Variants in DPH6 observed in about 807,000 individuals in gnomAD.
DPH6 encodes the protein diphthine--ammonia ligase.
In DPH6, 33 loss-of-function variants were observed where a neutral mutation model predicts 38.2. That is an observed-to-expected ratio of 0.86 (90% CI 0.65 to 1.15). The LOEUF (loss-of-function observed/expected upper bound fraction) is 1.15, where lower values mean the gene tolerates loss of function less well. Among genes scored for constraint, DPH6 ranks in the 50% most tolerant of loss-of-function variants. DPH6 has a pLI of 0.00. For synonymous variants in DPH6, 108 were observed against 103.0 expected, an observed-to-expected ratio of 1.05 and a Z score of -0.30; for missense variants, 325 against 320.0, an observed-to-expected ratio of 1.02 and a Z score of -0.12.
Position 35,401,836 on chromosome 15 carries a change from A to G in DPH6, c.567+8999T>C, listed in dbSNP as rs1375890663. ...GAAGTTGACAGCGAAACTACAGGTTATAACAGATTTGTGAACTCAGTCAAG... is the reference window on the plus strand; with the variant it reads ...GAAGTTGACAGCGAAACTACAGGTTGTAACAGATTTGTGAACTCAGTCAAG... On this transcript the variant is annotated intron_variant, in intron 6 of 8. Transcript: ENST00000256538. 18 of 536,426 alleles carry G rather than the reference A, an allele frequency of 3.4e-5. No individual in the cohort carries two copies. The East Asian group carries it at 6.7e-4, about 20-fold the overall frequency. The allele number at this position is 536,426 out of a possible 1,614,324, so 33.2% of individuals were successfully genotyped here.
At chr15:35,298,563 T>A in intron 3 of DPH6, 1 of 787,280 alleles carries the variant, frequency 1.3e-6, no homozygotes, top group East Asian at 2.4e-5. Context: ...AGTATTTCAG[T>A]CAGTGGATTT....
downstream of DPH6, among the ~76,000 whole-genome samples, chr15:35,366,228 TTGTGTGTGTGTG>T (rs10525441): frequency 9.7e-5 from 14 of 144,378 alleles, no homozygotes; most frequent in South Asian, 6.7e-4. Flanking sequence ...TTTAGTCATC[TTGTGTGTGTGTG>T]TGTGTGTGTG....
At chr15:35,515,627 G>A (rs1444191961) in intron 3 of DPH6, among the ~76,000 whole-genome samples, 6 of 151,224 alleles carry the variant, frequency 4.0e-5, no homozygotes, top group South Asian at 4.2e-4. Context: ...AGGCTGAGGC[G>A]GGAGAATGGC....
intron 8 of DPH6, 35 bp from the exon 9 acceptor site, chr15:35,372,238 G>C: frequency 8.4e-6 from 12 of 1,421,238 alleles, no homozygotes; most frequent in Non-Finnish European, 1.0e-5. Context: ...GAAGGAAAAT[G>C]CACCATATTT....
intron 3 of DPH6, among the ~76,000 whole-genome samples, chr15:35,227,898 G>A (rs1387753149): frequency 1.3e-5 from 2 of 151,820 alleles, no homozygotes; most frequent in African/African-American, 4.8e-5. Flanking sequence ...TCATTTGTGA[G>A]CATATTGTTT....
chr15:35,294,694 G>A (rs1283042277), intron 3 of DPH6, among the ~76,000 whole-genome samples: 2 of 152,134 alleles, frequency 1.3e-5, no homozygotes, highest in East Asian at 1.9e-4. Context: ...CTTTTACACA[G>A]AGCCTAGTCT....
At chr15:35,300,211 G>GT (rs1249341905) in intron 3 of DPH6, among the ~76,000 whole-genome samples, 1 of 152,206 alleles carries the variant, frequency 6.6e-6, no homozygotes, top group Non-Finnish European at 1.5e-5. Flanking sequence ...AGGAGATGGG[G>GT]CAGACAAGGG....
chr15:35,296,085 G>A (rs941877791), intron 3 of DPH6, among the ~76,000 whole-genome samples: 21 of 151,710 alleles, frequency 1.4e-4, no homozygotes, highest in Non-Finnish European at 2.4e-4. Context: ...GACTATAGGC[G>A]CCCGCTACCA....
intron 5 of DPH6, among the ~76,000 whole-genome samples, chr15:35,416,465 T>C (rs984079386): frequency 6.6e-6 from 1 of 152,072 alleles, no homozygotes; most frequent in South Asian, 2.1e-4. Context: ...AAACAGACTA[T>C]AATTCTTTTC....
intron 3 of DPH6, among the ~76,000 whole-genome samples, chr15:35,516,460 A>G (rs1316674372): frequency 2.0e-5 from 3 of 152,306 alleles, no homozygotes; most frequent in Middle Eastern, 3.4e-3. Flanking sequence ...TACTAGTCTT[A>G]CTTTACAAAT....
the DPH6 span, among the ~76,000 whole-genome samples, chr15:35,173,234 G>C: frequency 6.6e-6 from 1 of 152,238 alleles, no homozygotes; most frequent in African/African-American, 2.4e-5. Context: ...TTTTCACCTT[G>C]GGAAATGTCA....
At chr15:35,365,719 G>T in intron 3 of DPH6, 1 of 906,180 alleles carries the variant, frequency 1.1e-6, no homozygotes, top group Non-Finnish European at 1.3e-6. Context: ...ATATCATCAC[G>T]GTATGGCGTT....
At chr15:35,277,728 C>T (rs562056931) in intron 3 of DPH6, among the ~76,000 whole-genome samples, 9 of 152,226 alleles carry the variant, frequency 5.9e-5, no homozygotes, top group South Asian at 2.1e-4. Context: ...TTACTGGGAA[C>T]GCGAGTAAAG....
At position 35,323,832 on chromosome 15, in the gene DPH6, G is replaced by A. The variant is rs999267948; in HGVS notation, n.200+49689C>T. Among the ~76,000 whole-genome samples, 5 of 151,838 alleles carry A rather than the reference G, an allele frequency of 3.3e-5. No individual in the cohort carries two copies. The South Asian group carries it at 6.2e-4, about 19-fold the overall frequency. On this transcript the variant is annotated intron_variant and non_coding_transcript_variant, in intron 3 of 3. Transcript: ENST00000560386. ...GAACCATTGCTATCAGAATTCTGCCGGAAATAATTTTATAACATATGACAA... is the reference window on the plus strand; with the variant it reads ...GAACCATTGCTATCAGAATTCTGCCAGAAATAATTTTATAACATATGACAA...
chr15:35,434,358 T>A (rs2053669284), intron 5 of DPH6, among the ~76,000 whole-genome samples: 1 of 151,960 alleles, frequency 6.6e-6, no homozygotes, highest in African/African-American at 2.4e-5. Context: ...ATTAATAGAA[T>A]GCATTACTGC....
intron 3 of DPH6, among the ~76,000 whole-genome samples, chr15:35,361,099 G>A (rs192308985): frequency 5.9e-5 from 9 of 152,218 alleles, no homozygotes; most frequent in South Asian, 4.1e-4. Flanking sequence ...GAGACCAAGC[G>A]TGTCCGGAAC....
intron 6 of DPH6, among the ~76,000 whole-genome samples, chr15:35,391,521 C>G (rs1271342819): frequency 6.6e-6 from 1 of 152,188 alleles, no homozygotes; most frequent in Non-Finnish European, 1.5e-5. Context: ...CTTTGTTTAC[C>G]TACTCAAGCC....
At chr15:35,465,869 TTTGTCAG>T in intron 3 of DPH6, among the ~76,000 whole-genome samples, 1 of 152,320 alleles carries the variant, frequency 6.6e-6, no homozygotes, top group East Asian at 1.9e-4. Flanking sequence ...AGCATAATAA[TTTGTCAG>T]TTATATCCAT....
chr15:35,322,224 A>G (rs1363877826), intron 3 of DPH6, among the ~76,000 whole-genome samples: 1 of 152,168 alleles, frequency 6.6e-6, no homozygotes, highest in African/African-American at 2.4e-5. Flanking sequence ...TGATATCTTG[A>G]GCAGTAAGGG....
Sources: gnomAD v4.1 joint callset for allele counts (sites outside exome capture counted in the v4.1 genomes callset) on GRCh38, gnomAD v4.1.1 for gene constraint, MANE v1.5 for transcripts, NCBI Gene and HGNC (gene_info 2026-07-23, HGNC 2026-07-21) for gene names.